The following SMYD3 variants were observed in gnomAD, a reference collection of about 807,000 sequenced individuals.
SMYD3 encodes the protein histone-lysine N-methyltransferase SMYD3.
Under a neutral mutation model 57.7 loss-of-function variants are expected in SMYD3, and 36 were observed. That is an observed-to-expected ratio of 0.62 (90% CI 0.48 to 0.82). The LOEUF (loss-of-function observed/expected upper bound fraction) is 0.82. SMYD3 is among the 40% of genes least tolerant of loss of function. The probability of loss-of-function intolerance (pLI) is 0.00; values close to 1 mark genes in which losing one functional copy is unlikely to be tolerated. For missense variants in SMYD3, 515 were observed against 538.8 expected (o/e 0.96, Z 0.44); for synonymous variants, 211 against 195.0 (o/e 1.08, Z -0.68).
intron 5 of SMYD3, chr1:245,953,172 C>G: frequency 1.1e-6 from 1 of 933,218 alleles, no homozygotes; most frequent in Non-Finnish European, 1.3e-6. Context: ...CTAGTTAGAT[C>G]TCTTTGGTCA....
chr1:245,980,982 C>T (rs543993178), intron 5 of SMYD3, among the ~76,000 whole-genome samples: 8 of 152,268 alleles, frequency 5.3e-5, no homozygotes, highest in Middle Eastern at 3.4e-3. Flanking sequence ...CTAAGAAAGA[C>T]GGTATAGCCC....
At chr1:245,995,666 G>A (rs533099741) in intron 5 of SMYD3, among the ~76,000 whole-genome samples, 3 of 152,248 alleles carry the variant, frequency 2.0e-5, no homozygotes, top group African/African-American at 7.2e-5. Context: ...AGTAGGGGGT[G>A]GGGGAGAGAC....
At chr1:246,210,716 AC>A (rs2063072303) in intron 5 of SMYD3, among the ~76,000 whole-genome samples, 1 of 151,922 alleles carries the variant, frequency 6.6e-6, no homozygotes, top group East Asian at 1.9e-4. Flanking sequence ...AAAAAAAAAA[AC>A]AAAAACAAAA....
intron 1 of SMYD3, among the ~76,000 whole-genome samples, chr1:246,386,456 C>A (rs745819813): frequency 1.1e-4 from 16 of 151,954 alleles, no homozygotes; most frequent in Non-Finnish European, 1.9e-4. Context: ...TAATTTTTAT[C>A]CAGGGAGCAG....
intron 5 of SMYD3, among the ~76,000 whole-genome samples, chr1:246,103,178 A>C (rs1316659611): frequency 6.6e-6 from 1 of 152,254 alleles, no homozygotes; most frequent in Non-Finnish European, 1.5e-5. Context: ...CTAAAGGTCT[A>C]TATCAGAAAA....
chr1:245,812,755 G>C (rs1212219914), intron 10 of SMYD3, among the ~76,000 whole-genome samples: 1 of 148,884 alleles, frequency 6.7e-6, no homozygotes, highest in Non-Finnish European at 1.5e-5. Flanking sequence ...AACTCACTCA[G>C]TAGCAGGAAC....
chr1:245,851,073 C>T (rs1251716015), intron 10 of SMYD3, among the ~76,000 whole-genome samples: 2 of 152,138 alleles, frequency 1.3e-5, no homozygotes, highest in South Asian at 2.1e-4. Context: ...AATCGGGGAC[C>T]TCCAAGAGAG....
intron 5 of SMYD3, among the ~76,000 whole-genome samples, chr1:246,221,823 C>T (rs753742570): frequency 2.0e-5 from 3 of 152,168 alleles, no homozygotes; most frequent in Non-Finnish European, 2.9e-5. Flanking sequence ...GAGCTGAGCG[C>T]AGCCTGCCAG....
chr1:245,758,032 A>G (rs937050812), intron 11 of SMYD3, among the ~76,000 whole-genome samples: 1 of 152,162 alleles, frequency 6.6e-6, no homozygotes, highest in African/African-American at 2.4e-5. Flanking sequence ...TGACATCTTA[A>G]TAATACTAAG....
chr1:246,362,406 G>GCTCTCC (rs573466858), intron 1 of SMYD3, among the ~76,000 whole-genome samples: 1 of 145,448 alleles, frequency 6.9e-6, no homozygotes, highest in Non-Finnish European at 1.5e-5. Flanking sequence ...CTGAATTATA[G>GCTCTCC]CTCTCCCTCT....
chr1:245,947,156 C>T (rs2147924210), intron 5 of SMYD3, among the ~76,000 whole-genome samples: 1 of 152,230 alleles, frequency 6.6e-6, no homozygotes, highest in Non-Finnish European at 1.5e-5. Flanking sequence ...TTGAATTTTC[C>T]ACTCTCCCAT....
chr1:245,967,981 T>C (rs1029478475), intron 5 of SMYD3, among the ~76,000 whole-genome samples: 2 of 152,112 alleles, frequency 1.3e-5, no homozygotes, highest in African/African-American at 4.8e-5. Context: ...TCCCCAAACT[T>C]TGCATCCTTG....
At chr1:245,883,345 C>T (rs1057335955) in intron 8 of SMYD3, among the ~76,000 whole-genome samples, 4 of 152,156 alleles carry the variant, frequency 2.6e-5, no homozygotes, top group African/African-American at 9.7e-5. Context: ...ATAAACTTGA[C>T]AAGAGTGCCT....
chr1:245,892,579 C>T (rs552008379), intron 8 of SMYD3, among the ~76,000 whole-genome samples: 3 of 152,270 alleles, frequency 2.0e-5, no homozygotes, highest in Admixed American at 1.3e-4. Context: ...TGCTGATGCT[C>T]CGGAACTAGA....
intron 5 of SMYD3, among the ~76,000 whole-genome samples, chr1:245,980,825 T>C (rs1222015443): frequency 1.3e-5 from 2 of 152,324 alleles, no homozygotes; most frequent in East Asian, 1.9e-4. Flanking sequence ...TGGATTGGCA[T>C]TGTCTAGACT....
chr1:246,403,419 G>A (rs1048799752), intron 1 of SMYD3, among the ~76,000 whole-genome samples: 2 of 152,162 alleles, frequency 1.3e-5, no homozygotes, highest in Non-Finnish European at 2.9e-5. Context: ...GATTGCTTGA[G>A]CCCAGGAGTT....
At chr1:246,191,478 T>C (rs1156370961) in intron 5 of SMYD3, among the ~76,000 whole-genome samples, 2 of 152,188 alleles carry the variant, frequency 1.3e-5, no homozygotes, top group Non-Finnish European at 2.9e-5. Context: ...GCACAAAAAT[T>C]AGTCATGTAA....
chr1:246,106,152 G>A (rs999995260), intron 5 of SMYD3, among the ~76,000 whole-genome samples: 2 of 152,138 alleles, frequency 1.3e-5, no homozygotes, highest in South Asian at 2.1e-4. Flanking sequence ...ACCCATATCC[G>A]GAAAATTAAT....
At chr1:246,431,494 C>T (rs1325292005) in intron 1 of SMYD3, among the ~76,000 whole-genome samples, 1 of 152,104 alleles carries the variant, frequency 6.6e-6, no homozygotes, top group Non-Finnish European at 1.5e-5. Context: ...CTTTGGGAGG[C>T]CAAGGTGGGT....
Sources: allele counts gnomAD v4.1 joint callset (sites outside exome capture counted in the v4.1 genomes callset), GRCh38; gene constraint gnomAD v4.1.1; transcripts MANE v1.5; gene names NCBI Gene and HGNC (gene_info 2026-07-23, HGNC 2026-07-21).